SIM1: variants seen among roughly 807,000 people sequenced by gnomAD.
SIM1 encodes the protein single-minded homolog 1.
A neutral mutation model predicts 78.2 loss-of-function variants in SIM1; 18 were observed. That is an observed-to-expected ratio of 0.23 (90% CI 0.16 to 0.34). The LOEUF (loss-of-function observed/expected upper bound fraction) is 0.34. SIM1 is among the 10% of genes least tolerant of loss of function. SIM1 has a pLI of 1.00. For synonymous variants in SIM1, 417 were observed against 385.2 expected (o/e 1.08, Z -0.97); for missense variants, 939 against 975.1 (o/e 0.96, Z 0.49).
At chr6:100,449,196 A>T (rs1035582767) in intron 6 of SIM1, among the ~76,000 whole-genome samples, 167 bp downstream of exon 6, 24 of 152,152 alleles carry the variant, frequency 1.6e-4, no homozygotes, top group Non-Finnish European at 2.5e-4. Context: ...CCAGCTGTTC[A>T]CAAAGTTCCG....
intron 9 of SIM1, among the ~76,000 whole-genome samples, chr6:100,424,422 A>T (rs1276728438): frequency 6.6e-6 from 1 of 151,600 alleles, no homozygotes; most frequent in Non-Finnish European, 1.5e-5. Flanking sequence ...GATTTGGTGA[A>T]TTTTTTTATT....
At chr6:100,435,021 T>G (rs975986395) in intron 9 of SIM1, among the ~76,000 whole-genome samples, 2 of 152,318 alleles carry the variant, frequency 1.3e-5, no homozygotes, top group African/African-American at 4.8e-5. Context: ...CTAAATAAAA[T>G]AATTTTCTGT....
intron 10 of SIM1, among the ~76,000 whole-genome samples, chr6:100,418,087 AATG>A (rs1771452066): frequency 6.6e-6 from 1 of 152,146 alleles, no homozygotes; most frequent in South Asian, 2.1e-4. Context: ...AAAAATGAAA[AATG>A]GGCACTTGGG....
At chr6:100,448,383 T>C in intron 7 of SIM1, 96 bp downstream of exon 7, 2 of 1,428,948 alleles carry the variant, frequency 1.4e-6, no homozygotes, top group South Asian at 1.3e-5. Flanking sequence ...TCGCCTCATG[T>C]GCAAAATGGG....
intron 10 of SIM1, among the ~76,000 whole-genome samples, chr6:100,402,064 T>C (rs1582609784): frequency 1.3e-5 from 2 of 152,282 alleles, no homozygotes; most frequent in Middle Eastern, 6.8e-3. Flanking sequence ...CCTTATAGGA[T>C]TGCAGTAAGA....
Position 100,399,305 on chromosome 6 carries a change from A to T in SIM1, c.1168-5416T>A, listed in dbSNP as rs115128312. On this transcript the variant is annotated intron_variant, in intron 10 of 11. Coordinates refer to ENST00000369208, the MANE Select transcript of SIM1 (RefSeq NM_005068.3). ...ACCATTGATACATGCACCAATGTGG[A>T]TGAATCTCCAGTGAATTATGCTGAG... Among the ~76,000 whole-genome samples, 515 of 152,254 alleles carry T rather than the reference A, an allele frequency of 3.4e-3. 2 individuals carry two copies. The highest frequency in any genetic ancestry group is 0.012 in the African/African-American group (503 of 41,570).
At chr6:100,399,781 G>T in intron 10 of SIM1, among the ~76,000 whole-genome samples, 1 of 151,960 alleles carries the variant, frequency 6.6e-6, no homozygotes, top group East Asian at 1.9e-4. Flanking sequence ...ATCCATAAAT[G>T]TGAATTGGCT....
In SIM1 at chr6:100,385,589, G is replaced by T. The variant is rs1008856513; in HGVS notation, c.*4772C>A. ...TGAAAGCAAAGTCCCATGCAGCAAA[G>T]TTGCAATAAACAAAACTACAAATGT... On this transcript the variant is annotated 3_prime_UTR_variant, in exon 12 of 12. Transcript: ENST00000369208. The T allele has an allele frequency of 6.6e-6, 1 of 151,184 alleles. No individual in the cohort carries two copies. The highest frequency in any genetic ancestry group is 1.5e-5 in the Non-Finnish European group (1 of 67,838). The allele number at this position is 151,184 out of a possible 1,614,324, so 9.4% of individuals were successfully genotyped here.
chr6:100,450,505 C>A, intron 3 of SIM1, 149 bp from the exon 4 acceptor site: 1 of 648,184 alleles, frequency 1.5e-6, no homozygotes, highest in Non-Finnish European at 2.7e-6. Flanking sequence ...AGAAAACTAG[C>A]CACATGAGCC....
chr6:100,427,931 C>T (rs1771778397), intron 9 of SIM1, among the ~76,000 whole-genome samples: 1 of 152,180 alleles, frequency 6.6e-6, no homozygotes, highest in Non-Finnish European at 1.5e-5. Context: ...AGAACAGATG[C>T]TCACTTGCAA....
At chr6:100,411,054 C>CA (rs1196644555) in intron 10 of SIM1, among the ~76,000 whole-genome samples, 1 of 151,820 alleles carries the variant, frequency 6.6e-6, no homozygotes, top group Non-Finnish European at 1.5e-5. Flanking sequence ...AGATGTAGAA[C>CA]AAAAAATGTA....
intron 2 of SIM1, among the ~76,000 whole-genome samples, chr6:100,456,842 T>A (rs1390255635): frequency 6.6e-6 from 1 of 152,226 alleles, no homozygotes; most frequent in East Asian, 1.9e-4. Flanking sequence ...TCCATTTAAA[T>A]ACCCCCTGAC....
At chr6:100,434,338 A>G (rs1190242248) in intron 9 of SIM1, among the ~76,000 whole-genome samples, 1 of 152,186 alleles carries the variant, frequency 6.6e-6, no homozygotes, top group Non-Finnish European at 1.5e-5. Flanking sequence ...TTCAACAGTG[A>G]ATATAAATGC....
chr6:100,437,779 A>C (rs1772095227), intron 9 of SIM1, among the ~76,000 whole-genome samples: 1 of 152,310 alleles, frequency 6.6e-6, no homozygotes, highest in South Asian at 2.1e-4. Flanking sequence ...AGCCTGACCA[A>C]ACTGCAGAAA....
intron 11 of SIM1, among the ~76,000 whole-genome samples, chr6:100,392,622 G>A (rs192962199): frequency 6.6e-6 from 1 of 152,220 alleles, no homozygotes; most frequent in East Asian, 1.9e-4. Flanking sequence ...CTTCTGAGTG[G>A]TATCTGACAG....
rs577921584 is a variant in SIM1, at chr6:100,400,038, A to C, written c.1168-6149T>G. On this transcript the variant is annotated intron_variant, in intron 10 of 11. Coordinates refer to ENST00000369208, the MANE Select transcript of SIM1 (RefSeq NM_005068.3). ...AACAAAAGACATTTTATGTTGCTAAAAGCCAGAATTCACAAAGAAGATAGA... is the reference window on the plus strand; with the variant it reads ...AACAAAAGACATTTTATGTTGCTAACAGCCAGAATTCACAAAGAAGATAGA... Among the ~76,000 whole-genome samples the C allele has an allele frequency of 3.3e-5, 5 of 152,170 alleles. No homozygotes were observed. The South Asian group carries it at 1.0e-3, about 31-fold the overall frequency.
chr6:100,425,279 T>C (rs1046998700), intron 9 of SIM1, among the ~76,000 whole-genome samples: 1 of 152,194 alleles, frequency 6.6e-6, no homozygotes, highest in Non-Finnish European at 1.5e-5. Context: ...GTCTTGGGCA[T>C]GTCTTTATCA....
At chr6:100,462,265 TTTTG>T (rs1420353128) in intron 2 of SIM1, among the ~76,000 whole-genome samples, 1 of 152,184 alleles carries the variant, frequency 6.6e-6, no homozygotes, top group African/African-American at 2.4e-5. Context: ...TCCCTTGGAT[TTTTG>T]TTTGTTTGCT....
At chr6:100,453,698 C>A in intron 3 of SIM1, 64 bp downstream of exon 3, 6 of 1,126,612 alleles carry the variant, frequency 5.3e-6, no homozygotes, top group Non-Finnish European at 5.1e-6. Context: ...ACTAAAAGCT[C>A]AACTCAGGGC....
Sources: gnomAD v4.1 joint callset for allele counts (sites outside exome capture counted in the v4.1 genomes callset) on GRCh38, gnomAD v4.1.1 for gene constraint, MANE v1.5 for transcripts, NCBI Gene and HGNC (gene_info 2026-07-23, HGNC 2026-07-21) for gene names.